CAPN7: variants seen among roughly 807,000 people sequenced by gnomAD.
CAPN7 encodes the protein calpain 7.
A neutral mutation model predicts 115.2 loss-of-function variants in CAPN7; 72 were observed. The observed-to-expected ratio is 0.63, with a 90% confidence interval of 0.52 to 0.76. The LOEUF (loss-of-function observed/expected upper bound fraction) is 0.76, where lower values mean the gene tolerates loss of function less well. Ranked by LOEUF, CAPN7 falls within the 30% of genes least tolerant of loss-of-function variation. CAPN7 has a pLI of 0.00. For missense variants in CAPN7, 905 were observed against 971.5 expected (o/e 0.93, Z 0.91); for synonymous variants, 344 against 322.3 (o/e 1.07, Z -0.72).
intron 18 of CAPN7, 22 bp downstream of exon 18, chr3:15,246,816 TA>T: frequency 6.6e-7 from 1 of 1,525,344 alleles, no homozygotes; most frequent in Non-Finnish European, 9.0e-7. Flanking sequence ...CATTTGGTTG[TA>T]ATCTCAGCAT....
chr3:15,230,403 C>G, intron 8 of CAPN7, 39 bp from the exon 9 acceptor site: 2 of 1,318,532 alleles, frequency 1.5e-6, no homozygotes, highest in Admixed American at 1.7e-5. Context: ...ATATTGAATA[C>G]TAATGTTGGT....
intron 8 of CAPN7, among the ~76,000 whole-genome samples, chr3:15,229,767 T>G (rs1364184224): frequency 6.6e-6 from 1 of 152,026 alleles, no homozygotes; most frequent in Admixed American, 6.6e-5. Context: ...AAATATAACA[T>G]ATTTCTGTTG....
chr3:15,235,473 T>C (rs921356198), intron 12 of CAPN7, among the ~76,000 whole-genome samples: 2 of 152,066 alleles, frequency 1.3e-5, no homozygotes, highest in African/African-American at 4.8e-5. Flanking sequence ...TCAATCACAG[T>C]GTTAAGCTCT....
At chr3:15,247,545 A>G in intron 19 of CAPN7, 88 bp downstream of exon 19, 2 of 988,476 alleles carry the variant, frequency 2.0e-6, no homozygotes, top group South Asian at 4.0e-5. Flanking sequence ...AGACCTAAGC[A>G]TATATGGACA....
rs763212450 is a variant in CAPN7, at chr3:15,245,615, T to G, written c.1954T>G (p.Phe652Val). Reference sequence around the variant, plus strand: ...GCTGACCACACCTGGCACCCATACCTTTACATTAGTGGTTTCTCAATATGA... The same window carrying G: ...GCTGACCACACCTGGCACCCATACCGTTACATTAGTGGTTTCTCAATATGA... Reference protein sequence around the residue: ...IKLTTPGTHTFTLVVSQYEKQ... With the variant: ...IKLTTPGTHTVTLVVSQYEKQ... Residue 652 changes from phenylalanine (F) to valine (V), a missense_variant, in exon 17 of 21, where the codon TTT becomes GTT. Coordinates refer to ENST00000253693, the MANE Select transcript of CAPN7 (RefSeq NM_014296.3). 2 of 1,613,964 alleles carry G rather than the reference T, an allele frequency of 1.2e-6. No homozygotes were observed. The highest frequency in any genetic ancestry group is 1.1e-5 in the South Asian group (1 of 91,070).
At position 15,233,918 on chromosome 3, in the gene CAPN7, C is replaced by T. The variant is rs1694839306; in HGVS notation, c.1231C>T (p.His411Tyr). ...CTGGATACCAGAAAGAATTGCTATG[C>T]ATTCAGATAGCCAAACTTTCAGTAA... is the stretch of plus-strand genomic sequence containing the variant. ...TGWIPERIAM[H>Y]SDSQTFSKDN... Residue 411 changes from histidine (H) to tyrosine (Y), a missense_variant, in exon 11 of 21, where the codon CAT (histidine) becomes TAT (tyrosine). This residue lies in a region of CAPN7 where 620 missense variants were observed against 703.4 expected (regional missense o/e 0.88). Transcript: ENST00000253693. 6.2e-7 allele frequency: 1 copy of T among 1,606,522 alleles called. No individual in the cohort carries two copies. The highest frequency in any genetic ancestry group is 8.5e-7 in the Non-Finnish European group (1 of 1,174,448).
intron 19 of CAPN7, 99 bp from the exon 20 acceptor site, chr3:15,250,832 C>G: frequency 2.5e-6 from 2 of 813,708 alleles, no homozygotes; most frequent in Non-Finnish European, 4.0e-6. Context: ...ACTTCAGAAA[C>G]ATAAACTTAG....
chr3:15,227,815 T>G, intron 6 of CAPN7, 24 bp from the exon 7 acceptor site: 3 of 1,381,764 alleles, frequency 2.2e-6, no homozygotes, highest in Middle Eastern at 2.0e-4. Flanking sequence ...AATTTTTTTA[T>G]TTTAATTTTT....
At chr3:15,221,150 A>T (rs1211456839) in intron 5 of CAPN7, 169 bp downstream of exon 5, 2 of 512,614 alleles carry the variant, frequency 3.9e-6, no homozygotes, top group Non-Finnish European at 6.9e-6. Flanking sequence ...TTAAAATTTT[A>T]GTTCTGATAT....
intron 8 of CAPN7, 81 bp from the exon 9 acceptor site, chr3:15,230,355 TAGTATA>T: frequency 1.3e-6 from 1 of 754,422 alleles, no homozygotes; most frequent in Non-Finnish European, 2.2e-6. Flanking sequence ...GCCAAGACGG[TAGTATA>T]TACCTGAATG....
chr3:15,249,907 G>A (rs1483327786), intron 19 of CAPN7, among the ~76,000 whole-genome samples: 1 of 151,666 alleles, frequency 6.6e-6, no homozygotes, highest in East Asian at 2.0e-4. Flanking sequence ...TGAGGCTACA[G>A]GTGCACACCA....
intron 10 of CAPN7, 149 bp downstream of exon 10, chr3:15,232,814 T>C (rs1450828405): frequency 3.2e-6 from 2 of 617,566 alleles, no homozygotes; most frequent in Non-Finnish European, 2.7e-6. Flanking sequence ...CCCCGTATTA[T>C]GGGGATATAT....
At chr3:15,249,889 C>T (rs918103377) in intron 19 of CAPN7, among the ~76,000 whole-genome samples, 1 of 151,604 alleles carries the variant, frequency 6.6e-6, no homozygotes, top group Admixed American at 6.6e-5. Flanking sequence ...CTCAGCCTCC[C>T]AAGTAGCTGA....
At chr3:15,241,144 G>T (rs1409389789) in intron 14 of CAPN7, among the ~76,000 whole-genome samples, 2 of 152,192 alleles carry the variant, frequency 1.3e-5, no homozygotes, top group Non-Finnish European at 2.9e-5. Flanking sequence ...GGTGGAGGTT[G>T]CAGTGAGCCA....
intron 17 of CAPN7, chr3:15,246,397 G>A (rs1695660374): frequency 1.7e-5 from 4 of 235,840 alleles, no homozygotes; most frequent in Non-Finnish European, 3.2e-5. Context: ...CTTCTATATA[G>A]ATTTGTTTGC....
chr3:15,216,520 T>C (rs533065408), intron 2 of CAPN7, among the ~76,000 whole-genome samples: 8 of 152,344 alleles, frequency 5.3e-5, no homozygotes, highest in Non-Finnish European at 1.2e-4. Context: ...ATATTCTGGA[T>C]ACATGTTTCT....
At chr3:15,227,522 C>T (rs1250532604) in intron 6 of CAPN7, among the ~76,000 whole-genome samples, 2 of 152,136 alleles carry the variant, frequency 1.3e-5, no homozygotes, top group African/African-American at 2.4e-5. Context: ...TCAGCTTGTA[C>T]TATTGTTAAT....
At chr3:15,206,631 C>CAAGGTAGGGCCGGGCCCGGCGCT (rs1380569861) in intron 1 of CAPN7, 34 bp downstream of exon 1, 2 of 1,490,072 alleles carry the variant, frequency 1.3e-6, no homozygotes, top group South Asian at 2.5e-5. Flanking sequence ...GTCGGAGTTG[C>CAAGGTAGGGCCGGGCCCGGCGCT]TCAGTCGGAG....
At chr3:15,244,208 A>G (rs1575242816) in intron 16 of CAPN7, among the ~76,000 whole-genome samples, 1 of 152,282 alleles carries the variant, frequency 6.6e-6, no homozygotes. Flanking sequence ...TCCCTATTAC[A>G]ATGTGTTGAT....
Sources: allele counts gnomAD v4.1 joint callset (sites outside exome capture counted in the v4.1 genomes callset), GRCh38; gene constraint gnomAD v4.1.1; regional missense constraint gnomAD v4.1.1; transcripts MANE v1.5; gene names NCBI Gene and HGNC (gene_info 2026-07-23, HGNC 2026-07-21).